Variants in MYO16 observed in about 807,000 individuals in gnomAD.
MYO16 encodes the protein unconventional myosin-XVI.
A neutral mutation model predicts 205.3 loss-of-function variants in MYO16; 94 were observed. The observed-to-expected ratio is 0.46, with a 90% CI of 0.39 to 0.54. The LOEUF (loss-of-function observed/expected upper bound fraction) is 0.54, where lower values mean the gene tolerates loss of function less well. Among genes scored for constraint, MYO16 ranks in the 20% least tolerant of loss-of-function variants. The pLI, the probability that MYO16 is intolerant of heterozygous loss-of-function variation, is 0.00. For missense variants in MYO16, 2,315 were observed against 2,387.5 expected (o/e 0.97, Z 0.63); for synonymous variants, 988 against 954.0 (o/e 1.04, Z -0.66).
intron 4 of MYO16, among the ~76,000 whole-genome samples, chr13:108,742,026 C>T (rs77166032): frequency 0.011 from 1,710 of 152,150 alleles, 42 homozygotes; most frequent in African/African-American, 0.039. Context: ...CAGAATCTTA[C>T]TTTGTTGCTA....
At chr13:109,076,875 G>A (rs775555151) in intron 27 of MYO16, among the ~76,000 whole-genome samples, 1 of 152,164 alleles carries the variant, frequency 6.6e-6, no homozygotes, top group Non-Finnish European at 1.5e-5. Context: ...AGACGCTGTG[G>A]AAACTGATTC....
intron 23 of MYO16, among the ~76,000 whole-genome samples, chr13:109,029,329 C>T (rs1050048779): frequency 9.2e-5 from 14 of 151,844 alleles, no homozygotes; most frequent in African/African-American, 3.4e-4. Context: ...GTCTTGAACT[C>T]CTGACCTCAG....
chr13:108,699,417 G>T (rs1225356654), intron 2 of MYO16, among the ~76,000 whole-genome samples: 1 of 151,774 alleles, frequency 6.6e-6, no homozygotes, highest in Non-Finnish European at 1.5e-5. Context: ...GTCATTTTTT[G>T]AAACTGTTTA....
intron 2 of MYO16, among the ~76,000 whole-genome samples, chr13:108,706,300 T>C (rs1370397359): frequency 1.3e-5 from 2 of 152,110 alleles, no homozygotes; most frequent in Non-Finnish European, 2.9e-5. Flanking sequence ...GGCAGGGCAG[T>C]AGAAAATATC....
chr13:108,783,548 T>C (rs1380701705), intron 4 of MYO16, among the ~76,000 whole-genome samples: 5 of 152,136 alleles, frequency 3.3e-5, no homozygotes, highest in Admixed American at 2.0e-4. Flanking sequence ...TCATTGGTTT[T>C]GAAATGTGAG....
intron 12 of MYO16, among the ~76,000 whole-genome samples, chr13:108,878,733 A>G (rs1879448431): frequency 6.6e-6 from 1 of 152,208 alleles, no homozygotes; most frequent in Non-Finnish European, 1.5e-5. Flanking sequence ...CCTAGACGCT[A>G]CTATGGGGCC....
At chr13:108,967,050 A>G (rs1883819376) in intron 20 of MYO16, among the ~76,000 whole-genome samples, 3 of 151,942 alleles carry the variant, frequency 2.0e-5, no homozygotes, top group South Asian at 4.1e-4. Context: ...TTATTACTGT[A>G]TATATATATA....
intron 20 of MYO16, among the ~76,000 whole-genome samples, chr13:108,983,967 G>A (rs1267114707): frequency 2.0e-5 from 3 of 152,144 alleles, no homozygotes; most frequent in Non-Finnish European, 4.4e-5. Flanking sequence ...TTATCAGCCT[G>A]GAAAGGTTTT....
At position 108,649,551 on chromosome 13, in the gene MYO16, A is replaced by T. The variant is rs114360495; in HGVS notation, c.29-16335A>T. Among the ~76,000 whole-genome samples, 528 of 152,360 alleles carry T rather than the reference A, an allele frequency of 3.5e-3. 4 individuals are homozygous for T. The highest frequency in any genetic ancestry group is 0.012 in the African/African-American group (504 of 41,590). On this transcript the variant is annotated intron_variant, in intron 1 of 34. Transcript: ENST00000457511. Reference sequence around the variant, plus strand: ...GCAGGAAAATAGGAATAAGGATGGAAGATATATGGAAAAAGCTGACTTTAT... The same window carrying T: ...GCAGGAAAATAGGAATAAGGATGGATGATATATGGAAAAAGCTGACTTTAT...
At chr13:109,197,312 C>A (rs546966203) in intron 34 of MYO16, among the ~76,000 whole-genome samples, 5 of 152,172 alleles carry the variant, frequency 3.3e-5, no homozygotes. Flanking sequence ...TGTAAGAATG[C>A]GTTCAGGGGA....
At chr13:109,158,601 C>G (rs1212071701) in intron 32 of MYO16, among the ~76,000 whole-genome samples, 1 of 152,160 alleles carries the variant, frequency 6.6e-6, no homozygotes, top group African/African-American at 2.4e-5. Context: ...TTTCTCCTCC[C>G]GCCTGTGAAT....
chr13:109,159,059 C>G (rs1173755735), intron 32 of MYO16, among the ~76,000 whole-genome samples: 4 of 152,156 alleles, frequency 2.6e-5, no homozygotes, highest in Admixed American at 2.6e-4. Flanking sequence ...ATGTAAAGTA[C>G]AATTTTAAAA....
intron 4 of MYO16, among the ~76,000 whole-genome samples, chr13:108,757,082 T>C (rs1186456414): frequency 3.9e-5 from 6 of 152,212 alleles, no homozygotes; most frequent in Admixed American, 2.0e-4. Flanking sequence ...ATTACAAATA[T>C]AATAATACAT....
chr13:108,804,510 T>C (rs1317302961), intron 6 of MYO16, among the ~76,000 whole-genome samples: 1 of 152,106 alleles, frequency 6.6e-6, no homozygotes, highest in Non-Finnish European at 1.5e-5. Flanking sequence ...ATTTTTGTTG[T>C]TGTTGTTGTT....
the MYO16 span, among the ~76,000 whole-genome samples, chr13:108,574,832 GT>G: frequency 6.6e-6 from 1 of 152,002 alleles, no homozygotes; most frequent in African/African-American, 2.4e-5. Context: ...TCAAAGTTTG[GT>G]TAGGAAAAAA....
intron 27 of MYO16, among the ~76,000 whole-genome samples, chr13:109,087,056 G>A (rs998667542): frequency 1.0e-3 from 155 of 152,242 alleles, no homozygotes; most frequent in African/African-American, 3.7e-3. Flanking sequence ...TTCCAAATTA[G>A]CAAACATAAT....
At chr13:109,200,710 T>C (rs1488598616) in intron 34 of MYO16, among the ~76,000 whole-genome samples, 2 of 151,274 alleles carry the variant, frequency 1.3e-5, no homozygotes, top group Non-Finnish European at 3.0e-5. Flanking sequence ...GTCAAAATCC[T>C]TCCCGACAAG....
At chr13:108,550,183 C>T in the MYO16 span, among the ~76,000 whole-genome samples, 3 of 152,272 alleles carry the variant, frequency 2.0e-5, no homozygotes, top group Non-Finnish European at 2.9e-5. Flanking sequence ...TGATTCCTCA[C>T]CCATCTGCTC....
the MYO16 span, among the ~76,000 whole-genome samples, chr13:108,516,133 G>T: frequency 6.6e-6 from 1 of 151,676 alleles, no homozygotes; most frequent in African/African-American, 2.4e-5. Flanking sequence ...GCGCGATTCC[G>T]TGGGCGTAGG....
Sources: allele counts gnomAD v4.1 joint callset (sites outside exome capture counted in the v4.1 genomes callset), GRCh38; gene constraint gnomAD v4.1.1; transcripts MANE v1.5; gene names NCBI Gene and HGNC (gene_info 2026-07-23, HGNC 2026-07-21).